Variants in MRPL24 observed in about 807,000 individuals in gnomAD.
MRPL24 encodes mitochondrial ribosomal protein L24, also known as large ribosomal subunit protein uL24m.
Under a neutral mutation model 26.9 loss-of-function variants are expected in MRPL24, and 15 were observed. The observed-to-expected ratio is 0.56, with a 90% CI of 0.37 to 0.86. The LOEUF (loss-of-function observed/expected upper bound fraction) is 0.86, where lower values mean the gene tolerates loss of function less well. Among genes scored for constraint, MRPL24 ranks in the 40% least tolerant of loss-of-function variants. The pLI is 0.00. For missense variants in MRPL24, 241 were observed against 281.4 expected, an observed-to-expected ratio of 0.86 and a Z score of 1.03; for synonymous variants, 92 against 102.4, an observed-to-expected ratio of 0.90 and a Z score of 0.62.
chr1:156,739,659 C>CTT (rs544634044), intron 1 of MRPL24, among the ~76,000 whole-genome samples: 38 of 139,438 alleles, frequency 2.7e-4, no homozygotes, highest in Non-Finnish European at 2.8e-4. Flanking sequence ...GGCAACTTAA[C>CTT]TTTTTTTTTT....
intron 1 of MRPL24, among the ~76,000 whole-genome samples, chr1:156,739,823 C>T (rs1029678296): frequency 6.6e-6 from 1 of 151,898 alleles, no homozygotes; most frequent in African/African-American, 2.4e-5. Flanking sequence ...CACCATGACC[C>T]GCTAATTTTT....
Position 156,738,742 on chromosome 1 carries a change from G to A in MRPL24, c.-38C>T, listed in dbSNP as rs367861373. 13 of 1,542,040 alleles carry A rather than the reference G, an allele frequency of 8.4e-6. No individual in the cohort carries two copies. The highest frequency in any genetic ancestry group is 8.4e-5 in the African/African-American group (6 of 71,834). On this transcript the variant is annotated 5_prime_UTR_variant, in exon 2 of 6. Coordinates refer to ENST00000361531, the MANE Select transcript of MRPL24 (RefSeq NM_145729.3). ...TAAGAAATCCCTTTGCCAGCAAAAC[G>A]CTCGAAACCTTCCTTGTCAGCTCTG...
chr1:156,737,915 A>G (rs750243537), intron 4 of MRPL24, 116 bp downstream of exon 4: 163 of 1,429,244 alleles, frequency 1.1e-4, no homozygotes, highest in Non-Finnish European at 1.1e-4. Context: ...GCAGGGAATC[A>G]TGTCCATGAG....
chr1:156,737,803 C>T (rs769868343), intron 4 of MRPL24, 27 bp from the exon 5 acceptor site: 8 of 1,610,724 alleles, frequency 5.0e-6, no homozygotes, highest in Non-Finnish European at 6.8e-6. Context: ...GTGAGCCTGG[C>T]CTACGAGCCA....
chr1:156,740,986 G>A (rs1650080628), intron 1 of MRPL24, 26 bp downstream of exon 1: 1 of 152,266 alleles, frequency 6.6e-6, no homozygotes, highest in South Asian at 2.1e-4. Context: ...GCCATGGCCA[G>A]GGAAAAGGAT....
intron 1 of MRPL24, among the ~76,000 whole-genome samples, chr1:156,739,858 G>T (rs1650019668): frequency 2.0e-5 from 3 of 151,852 alleles, no homozygotes. Flanking sequence ...GTAGAGACAG[G>T]GTTTCACCAT....
At chr1:156,737,923 G>A in intron 4 of MRPL24, 108 bp downstream of exon 4, 1 of 1,419,322 alleles carries the variant, frequency 7.0e-7, no homozygotes, top group South Asian at 1.2e-5. Context: ...TCATGTCCAT[G>A]AGATGGTCCC....
Position 156,738,734 on chromosome 1 carries a change from A to G in MRPL24, c.-30T>C. On this transcript the variant is annotated 5_prime_UTR_variant, in exon 2 of 6. Transcript: ENST00000361531. ...GGAGGTTGTAAGAAATCCCTTTGCC[A>G]GCAAAACGCTCGAAACCTTCCTTGT... 6.4e-7 allele frequency: 1 copy of G among 1,554,176 alleles called. No individual in the cohort carries two copies.
At position 156,737,387 on chromosome 1, in the gene MRPL24, C is replaced by G; in HGVS notation, c.*11G>C. ...GGACAGAAGTTGGGGAGGAGCTGCT[C>G]TGCCCCAGGCTCAATACCAATAGAC... On this transcript the variant is annotated 3_prime_UTR_variant, in exon 6 of 6. Transcript: ENST00000361531. The G allele has an allele frequency of 6.4e-7, 1 of 1,552,640 alleles. No homozygotes were observed. The highest frequency in any genetic ancestry group is 8.6e-7 in the Non-Finnish European group (1 of 1,156,420).
rs1008936789 is a variant in MRPL24, at chr1:156,741,076, A to G, written c.-125T>C. 2.0e-5 allele frequency: 3 copies of G among 151,976 alleles called. No individual in the cohort carries two copies. The highest frequency in any genetic ancestry group is 4.4e-5 in the Non-Finnish European group (3 of 68,034). 9.4% of individuals were successfully genotyped at this position (151,976 alleles called of 1,614,324 possible). Reference sequence around the variant, plus strand: ...ACCTCCACTTTCCGCGGCACTTCGGATTTTCAGCACATGGGCCCTCAGCGT... The same window carrying G: ...ACCTCCACTTTCCGCGGCACTTCGGGTTTTCAGCACATGGGCCCTCAGCGT... On this transcript the variant is annotated 5_prime_UTR_variant, in exon 1 of 6. Coordinates refer to ENST00000361531, the MANE Select transcript of MRPL24 (RefSeq NM_145729.3).
At chr1:156,741,424 A>T (rs1650105806), upstream of MRPL24, 1 of 152,190 alleles carries the variant, frequency 6.6e-6, no homozygotes, top group African/African-American at 2.4e-5. Context: ...TTCAAGGCAA[A>T]GGGCCGCCCT....
intron 3 of MRPL24, 50 bp downstream of exon 3, chr1:156,738,293 G>T: frequency 6.3e-7 from 1 of 1,579,482 alleles, no homozygotes; most frequent in South Asian, 1.1e-5. Flanking sequence ...AATGGAGAGG[G>T]ACAGATGAGA....
intron 1 of MRPL24, chr1:156,740,783 C>T (rs1044291237): frequency 6.6e-6 from 1 of 152,392 alleles, no homozygotes; most frequent in Non-Finnish European, 1.5e-5. Context: ...TGGTGAGCGT[C>T]CCGCAGTGGG....
Position 156,738,627 on chromosome 1 carries a change from TG to T in MRPL24, c.77del (p.Pro26GlnfsTer40). 2 of 1,611,258 alleles carry T rather than the reference TG, an allele frequency of 1.2e-6. No individual in the cohort carries two copies. The highest frequency in any genetic ancestry group is 1.7e-6 in the Non-Finnish European group (2 of 1,179,050). Reference sequence around the variant, plus strand: ...TCTTCCTCTTGTCTGCAACAGAGCCTGGGGGGCTCATCCCATAGCGGTAATG... The same window carrying T: ...TCTTCCTCTTGTCTGCAACAGAGCCTGGGGGCTCATCCCATAGCGGTAATG... ...PPHYRYGMSP[P>X]GSVADKRKNP... On this transcript the variant is annotated frameshift_variant, in exon 2 of 6. Transcript: ENST00000361531. LOFTEE classifies it high-confidence loss of function.
chr1:156,738,265 C>G, intron 3 of MRPL24, 78 bp downstream of exon 3: 1 of 1,542,400 alleles, frequency 6.5e-7, no homozygotes, highest in Non-Finnish European at 9.0e-7. Flanking sequence ...CAGTCTCCTG[C>G]CACCCTGTGC....
chr1:156,739,111 A>G (rs1473422498), intron 1 of MRPL24, among the ~76,000 whole-genome samples: 2 of 152,156 alleles, frequency 1.3e-5, no homozygotes, highest in East Asian at 1.9e-4. Flanking sequence ...GGAAGAAAAC[A>G]GAGGATGGAA....
In MRPL24 at chr1:156,738,102, G is replaced by GT. The variant is rs1649944168; in HGVS notation, c.311dup (p.Tyr104Ter). 6.2e-7 allele frequency: 1 copy of GT among 1,614,042 alleles called. No homozygotes were observed. Among genetic ancestry groups the GT allele is most frequent in the Admixed American group, 1.7e-5 (1 of 60,008 alleles). Residue 104 changes from tyrosine (Y) to a stop codon, truncating the protein, a stop_gained and frameshift_variant, in exon 4 of 6, where the codon TAC becomes TAAC. Transcript: ENST00000361531. LOFTEE classifies it high-confidence loss of function. ...HYRYIGKTMD[Y>*]RGTMIPSEAP... ...CTTCACTAGGGATCATGGTTCCCCG[G>GT]TAATCCATGGTCTTGCCAATGTAGC...
intron 1 of MRPL24, 128 bp downstream of exon 1, chr1:156,740,884 A>G (rs1389889278): frequency 6.6e-6 from 1 of 152,482 alleles, no homozygotes; most frequent in Non-Finnish European, 1.5e-5. Flanking sequence ...TTCCCCCACC[A>G]GCCTCATCCC....
chr1:156,738,724 T>C lies in MRPL24; in HGVS notation c.-20A>G. The C allele has an allele frequency of 6.4e-7, 1 of 1,560,580 alleles. No individual in the cohort carries two copies. Among genetic ancestry groups the C allele is most frequent in the Non-Finnish European group, 8.6e-7 (1 of 1,158,760 alleles). Reference sequence around the variant, plus strand: ...ACGCATGCCTGGAGGTTGTAAGAAATCCCTTTGCCAGCAAAACGCTCGAAA... The same window carrying C: ...ACGCATGCCTGGAGGTTGTAAGAAACCCCTTTGCCAGCAAAACGCTCGAAA... On this transcript the variant is annotated 5_prime_UTR_variant, in exon 2 of 6. Transcript: ENST00000361531.
Sources: gnomAD v4.1 joint callset for allele counts (sites outside exome capture counted in the v4.1 genomes callset) on GRCh38, gnomAD v4.1.1 for gene constraint, MANE v1.5 for transcripts, NCBI Gene and HGNC (gene_info 2026-07-23, HGNC 2026-07-21) for gene names.